The following CNTNAP2 variants were observed in gnomAD, a reference collection of about 807,000 sequenced individuals.
CNTNAP2 encodes the protein contactin-associated protein-like 2.
In CNTNAP2, 98 loss-of-function variants were observed where a neutral mutation model predicts 155.2. That is an observed-to-expected ratio of 0.63 (90% confidence interval 0.54 to 0.75). CNTNAP2 has a LOEUF of 0.75. Ranked by LOEUF, CNTNAP2 falls within the 30% of genes least tolerant of loss-of-function variation. The probability of loss-of-function intolerance (pLI) is 0.00; values close to 1 mark genes in which losing one functional copy is unlikely to be tolerated. For synonymous variants in CNTNAP2, 651 were observed against 631.2 expected, an observed-to-expected ratio of 1.03 and a Z score of -0.47; for missense variants, 1,727 against 1,688.1, an observed-to-expected ratio of 1.02 and a Z score of -0.40.
intron 1 of CNTNAP2, among the ~76,000 whole-genome samples, chr7:146,421,013 G>A (rs1012927567): frequency 1.4e-4 from 21 of 151,998 alleles, no homozygotes; most frequent in African/African-American, 5.1e-4. Flanking sequence ...GCATTTATAT[G>A]AGGGATTTAT....
In CNTNAP2 at chr7:146,187,583, TTAAG is replaced by T. The variant is rs1343391013; in HGVS notation, c.97+70615_97+70618del. Among the ~76,000 whole-genome samples, 31 of 152,150 alleles carry T rather than the reference TTAAG, an allele frequency of 2.0e-4. 1 individual carries two copies. Among genetic ancestry groups the T allele is most frequent in the Admixed American group, 1.3e-4 (2 of 15,268 alleles). ...CTTTCCAAATTTGATATGACCTGGC[TTAAG>T]TAAGATATATTGTTTTCTTTTTACC... On this transcript the variant is annotated intron_variant, in intron 1 of 23. Transcript: ENST00000361727.
intron 4 of CNTNAP2, among the ~76,000 whole-genome samples, 177 bp downstream of exon 4, chr7:147,044,231 A>G (rs780564784): frequency 6.6e-6 from 1 of 151,992 alleles, no homozygotes; most frequent in East Asian, 1.9e-4. Flanking sequence ...TTGTGTCTCT[A>G]TTTGCATGTT....
intron 17 of CNTNAP2, among the ~76,000 whole-genome samples, chr7:148,155,293 G>A (rs1035078184): frequency 6.6e-6 from 1 of 152,226 alleles, no homozygotes; most frequent in African/African-American, 2.4e-5. Context: ...ACTGGGCAAA[G>A]TTGAACAGGC....
chr7:146,166,813 T>G (rs1798318746), intron 1 of CNTNAP2, among the ~76,000 whole-genome samples: 1 of 152,062 alleles, frequency 6.6e-6, no homozygotes, highest in South Asian at 2.1e-4. Flanking sequence ...AAACAGAAGG[T>G]TTAGAAGATA....
At chr7:146,240,191 G>A (rs1326007626) in intron 1 of CNTNAP2, among the ~76,000 whole-genome samples, 1 of 152,026 alleles carries the variant, frequency 6.6e-6, no homozygotes, top group Non-Finnish European at 1.5e-5. Context: ...TTTTGCTCAG[G>A]CACAGAAATG....
intron 13 of CNTNAP2, among the ~76,000 whole-genome samples, chr7:147,694,391 C>G (rs1294493136): frequency 3.3e-5 from 5 of 152,030 alleles, no homozygotes; most frequent in Admixed American, 6.6e-5. Flanking sequence ...CTGCTTCTAC[C>G]TTCTAGATAA....
At chr7:147,234,661 C>T (rs7803889) in intron 8 of CNTNAP2, among the ~76,000 whole-genome samples, 63,972 of 151,904 alleles carry the variant, frequency 0.42, 13,861 homozygotes, top group African/African-American at 0.45. Flanking sequence ...TATAGCAAAA[C>T]GATGCAGTTC....
rs569953101 is a variant in CNTNAP2 at position 147,470,362 on chromosome 7, G to A, written c.1671-15573G>A. 1.2e-4 allele frequency among the ~76,000 whole-genome samples: 18 copies of A among 152,062 alleles called. 1 individual carries two copies. Among genetic ancestry groups the A allele is most frequent in the African/African-American group, 4.3e-4 (18 of 41,438 alleles). ...GTAGCTATGATCGTGTCTTGGATTAGGGTAATAGCAGTAGAGATGGTAGCT... is the reference window on the plus strand; with the variant it reads ...GTAGCTATGATCGTGTCTTGGATTAAGGTAATAGCAGTAGAGATGGTAGCT... On this transcript the variant is annotated intron_variant, in intron 10 of 23. Coordinates refer to ENST00000361727, the MANE Select transcript of CNTNAP2 (RefSeq NM_014141.6).
chr7:146,311,228 A>G (rs1248475532), intron 1 of CNTNAP2, among the ~76,000 whole-genome samples: 2 of 152,202 alleles, frequency 1.3e-5, no homozygotes, highest in Non-Finnish European at 1.5e-5. Flanking sequence ...TAAAAAGTAT[A>G]TACGTCTATC....
At chr7:148,367,524 G>A (rs1798806791) in intron 21 of CNTNAP2, among the ~76,000 whole-genome samples, 1 of 152,020 alleles carries the variant, frequency 6.6e-6, no homozygotes, top group Non-Finnish European at 1.5e-5. Flanking sequence ...CCTAGGGCCT[G>A]TGAAAGTCAT....
At chr7:148,194,578 T>C (rs184254247) in intron 18 of CNTNAP2, among the ~76,000 whole-genome samples, 73 of 152,238 alleles carry the variant, frequency 4.8e-4, no homozygotes, top group African/African-American at 1.7e-3. Flanking sequence ...GTCTATGATA[T>C]GCCATCTGTG....
chr7:147,362,815 A>T (rs534709017), intron 9 of CNTNAP2, among the ~76,000 whole-genome samples: 2 of 152,316 alleles, frequency 1.3e-5, no homozygotes, highest in South Asian at 4.1e-4. Context: ...ATGGATAAAG[A>T]ATTACTGGCA....
At chr7:147,745,649 A>G (rs753283075) in intron 13 of CNTNAP2, among the ~76,000 whole-genome samples, 4 of 152,200 alleles carry the variant, frequency 2.6e-5, no homozygotes, top group African/African-American at 9.7e-5. Context: ...TTTATAACCA[A>G]TCGAGAAATG....
At chr7:148,322,787 G>GT (rs1167980408) in intron 21 of CNTNAP2, among the ~76,000 whole-genome samples, 34 of 102,820 alleles carry the variant, frequency 3.3e-4, no homozygotes, top group Non-Finnish European at 5.9e-4. Context: ...TTGTTTTGTT[G>GT]TTTTTTGGGG....
intron 4 of CNTNAP2, among the ~76,000 whole-genome samples, chr7:147,088,970 AAGAGAAAG>A (rs934111161): frequency 7.2e-5 from 11 of 151,816 alleles, no homozygotes; most frequent in Admixed American, 3.9e-4. Flanking sequence ...AGAAGAAAGA[AAGAGAAAG>A]AGAGAAAGAG....
chr7:146,508,621 C>T (rs1797420110), intron 1 of CNTNAP2, among the ~76,000 whole-genome samples: 2 of 152,178 alleles, frequency 1.3e-5, no homozygotes, highest in South Asian at 2.1e-4. Flanking sequence ...TCTGGTGTCC[C>T]CCCAAGCTGG....
At chr7:147,733,970 A>G (rs887167300) in intron 13 of CNTNAP2, among the ~76,000 whole-genome samples, 1 of 152,196 alleles carries the variant, frequency 6.6e-6, no homozygotes, top group Non-Finnish European at 1.5e-5. Context: ...AACAAGGACA[A>G]TTTGACTTCC....
chr7:146,536,796 A>G (rs967321591), intron 1 of CNTNAP2, among the ~76,000 whole-genome samples: 1 of 152,134 alleles, frequency 6.6e-6, no homozygotes, highest in Non-Finnish European at 1.5e-5. Flanking sequence ...TGATTGTGAA[A>G]ACGTACCACA....
rs1563168699 is a variant in CNTNAP2, at chr7:147,346,133, A to ATTTTTTT, written c.1498+45847_1498+45848insTTTTTTT. Among the ~76,000 whole-genome samples the ATTTTTTT allele has an allele frequency of 4.0e-5, 2 of 49,902 alleles. 1 individual carries two copies. The highest frequency in any genetic ancestry group is 3.2e-4 in the African/African-American group (2 of 6,342). The allele number at this position is 49,902 out of a possible 152,430, so 32.7% of individuals were successfully genotyped here. On this transcript the variant is annotated intron_variant, in intron 9 of 23. Transcript: ENST00000361727. ...GCTGTGTCCCATAATCGAAGATTTT[A>ATTTTTTT]TTTTATTTTATTTTATTTTATTTTT...
Sources: allele counts gnomAD v4.1 joint callset (sites outside exome capture counted in the v4.1 genomes callset), GRCh38; gene constraint gnomAD v4.1.1; transcripts MANE v1.5; gene names NCBI Gene and HGNC (gene_info 2026-07-23, HGNC 2026-07-21).